Variants in ABLIM1 observed in about 807,000 individuals in gnomAD.
ABLIM1 encodes actin-binding LIM protein 1.
A neutral mutation model predicts 107.0 loss-of-function variants in ABLIM1; 40 were observed. The observed-to-expected ratio is 0.37, with a 90% CI of 0.29 to 0.49. ABLIM1 has a LOEUF of 0.49. Ranked by LOEUF, ABLIM1 falls within the 20% of genes least tolerant of loss-of-function variation. ABLIM1 has a pLI of 0.97. For synonymous variants in ABLIM1, 357 were observed against 357.3 expected, an observed-to-expected ratio of 1.00 and a Z score of 0.01; for missense variants, 857 against 1,008.5, an observed-to-expected ratio of 0.85 and a Z score of 2.04.
At chr10:114,692,431 T>C (rs2081099883) in intron 1 of ABLIM1, among the ~76,000 whole-genome samples, 1 of 152,158 alleles carries the variant, frequency 6.6e-6, no homozygotes, top group Non-Finnish European at 1.5e-5. Flanking sequence ...CATCACAACA[T>C]TATAGAGCTT....
chr10:114,537,232 A>C (rs1420817784), intron 6 of ABLIM1, among the ~76,000 whole-genome samples: 1 of 152,204 alleles, frequency 6.6e-6, no homozygotes, highest in African/African-American at 2.4e-5. Context: ...GAGAATTGAA[A>C]GAGACCTATT....
At chr10:114,437,325 T>C (rs371518403) in intron 22 of ABLIM1, among the ~76,000 whole-genome samples, 55 of 137,716 alleles carry the variant, frequency 4.0e-4, no homozygotes, top group African/African-American at 1.3e-3. Flanking sequence ...TTCTTTCTTT[T>C]TTTTTTTTTT....
rs183728353 is a variant in ABLIM1 at position 114,511,424 on chromosome 10, G to C, written c.895-19546C>G. Among the ~76,000 whole-genome samples the C allele has an allele frequency of 5.5e-4, 83 of 151,948 alleles. 2 individuals carry two copies. Among genetic ancestry groups the C allele is most frequent in the African/African-American group, 1.9e-3 (80 of 41,310 alleles). On this transcript the variant is annotated intron_variant, in intron 6 of 22. Transcript: ENST00000533213. ...TCTGTCACCCAGGCTGGAGTGCAGT[G>C]GTGCAGTGTCGGCTCACTGCAACCT...
At chr10:114,553,407 G>A (rs560447920) in intron 4 of ABLIM1, among the ~76,000 whole-genome samples, 1 of 152,330 alleles carries the variant, frequency 6.6e-6, no homozygotes, top group Non-Finnish European at 1.5e-5. Context: ...ATGGGGAGAA[G>A]TATCCCATCT....
At chr10:114,743,080 A>G (rs908705373) in intron 1 of ABLIM1, among the ~76,000 whole-genome samples, 4 of 152,230 alleles carry the variant, frequency 2.6e-5, no homozygotes, top group Non-Finnish European at 5.9e-5. Flanking sequence ...ACTAATAAGT[A>G]GTATACGTTT....
chr10:114,771,129 C>CTTATTT (rs2083019583), upstream of ABLIM1, among the ~76,000 whole-genome samples: 1 of 71,844 alleles, frequency 1.4e-5, no homozygotes, highest in African/African-American at 5.7e-5. Flanking sequence ...CCGCACCCGG[C>CTTATTT]CTATTCTTTT....
At chr10:114,542,438 G>GAAAAAAA (rs375774485) in intron 6 of ABLIM1, among the ~76,000 whole-genome samples, 2 of 96,408 alleles carry the variant, frequency 2.1e-5, no homozygotes, top group African/African-American at 6.8e-5. Flanking sequence ...AAAGAAAAAA[G>GAAAAAAA]AAAAAAAAAA....
At chr10:114,589,130 GA>G (rs1410803797) in intron 2 of ABLIM1, among the ~76,000 whole-genome samples, 1 of 150,798 alleles carries the variant, frequency 6.6e-6, no homozygotes, top group Admixed American at 6.6e-5. Flanking sequence ...TAAAGATAGA[GA>G]AAAGCTTATA....
intron 1 of ABLIM1, among the ~76,000 whole-genome samples, chr10:114,690,826 C>T (rs1329844582): frequency 6.6e-6 from 1 of 152,154 alleles, no homozygotes; most frequent in Non-Finnish European, 1.5e-5. Context: ...AGACTACAGA[C>T]ATGCAACACT....
chr10:114,524,626 G>C (rs993410358), intron 6 of ABLIM1, among the ~76,000 whole-genome samples: 2 of 152,146 alleles, frequency 1.3e-5, no homozygotes, highest in African/African-American at 4.8e-5. Flanking sequence ...GAAGGGAAAA[G>C]TATGGGTAAC....
chr10:114,645,157 G>A (rs1021835392), intron 1 of ABLIM1, among the ~76,000 whole-genome samples: 8 of 152,122 alleles, frequency 5.3e-5, no homozygotes, highest in Admixed American at 2.0e-4. Flanking sequence ...CGTGGCACTC[G>A]CCTCTACAAG....
At chr10:114,691,630 T>TA (rs1222709673) in intron 1 of ABLIM1, among the ~76,000 whole-genome samples, 1 of 152,200 alleles carries the variant, frequency 6.6e-6, no homozygotes, top group Non-Finnish European at 1.5e-5. Flanking sequence ...GTTGTAATGA[T>TA]AAAGTCTAAA....
intron 4 of ABLIM1, among the ~76,000 whole-genome samples, chr10:114,569,778 C>G (rs573543875): frequency 1.3e-5 from 2 of 152,158 alleles, no homozygotes. Flanking sequence ...AGTTGAAACC[C>G]TACTAGGGGT....
chr10:114,443,870 GA>G (rs1472246182), intron 17 of ABLIM1, among the ~76,000 whole-genome samples, 158 bp downstream of exon 17: 1 of 152,020 alleles, frequency 6.6e-6, no homozygotes, highest in Non-Finnish European at 1.5e-5. Context: ...GAAGACCCAT[GA>G]CATGCTTATG....
chr10:114,477,670 G>T (rs915997482), intron 8 of ABLIM1, among the ~76,000 whole-genome samples: 2 of 152,196 alleles, frequency 1.3e-5, no homozygotes, highest in Admixed American at 6.5e-5. Context: ...GAAGAGCTTC[G>T]TGGGCAGTAA....
the ABLIM1 span, among the ~76,000 whole-genome samples, chr10:114,796,070 G>C: frequency 2.0e-5 from 3 of 152,186 alleles, no homozygotes; most frequent in Non-Finnish European, 4.4e-5. Context: ...TGACTTGAGA[G>C]GCAGGAGCCC....
the ABLIM1 span, among the ~76,000 whole-genome samples, chr10:114,783,959 C>CA: frequency 2.6e-5 from 4 of 152,018 alleles, no homozygotes; most frequent in Non-Finnish European, 5.9e-5. Flanking sequence ...TAGTGACCTT[C>CA]ATGAGAGTCG....
chr10:114,769,172 GAAAAAAAAAAAAAA>G (rs35691537), upstream of ABLIM1, among the ~76,000 whole-genome samples: 4 of 46,520 alleles, frequency 8.6e-5, 1 homozygote, highest in South Asian at 3.8e-3. Flanking sequence ...TGTCTTCAAT[GAAAAAAAAAAAAAA>G]AAAAAAAAAA....
intron 1 of ABLIM1, among the ~76,000 whole-genome samples, chr10:114,695,911 C>T (rs1240505413): frequency 2.0e-5 from 3 of 152,284 alleles, no homozygotes; most frequent in Admixed American, 6.5e-5. Context: ...TTATTGCCAT[C>T]GCCCCATCAA....
Sources: gnomAD v4.1 joint callset for allele counts (sites outside exome capture counted in the v4.1 genomes callset) on GRCh38, gnomAD v4.1.1 for gene constraint, MANE v1.5 for transcripts, NCBI Gene and HGNC (gene_info 2026-07-23, HGNC 2026-07-21) for gene names.